Variants in POU2F1 observed in about 807,000 individuals in gnomAD.
POU2F1 encodes POU domain, class 2, transcription factor 1.
In POU2F1, 16 loss-of-function variants were observed where a neutral mutation model predicts 84.9. That is an observed-to-expected ratio of 0.19 (90% confidence interval 0.13 to 0.29). POU2F1 has a LOEUF of 0.29. Ranked by LOEUF, POU2F1 falls within the 10% of genes least tolerant of loss-of-function variation. POU2F1 has a pLI of 1.00. For synonymous variants in POU2F1, 368 were observed against 368.3 expected, an observed-to-expected ratio of 1.00 and a Z score of 0.01; for missense variants, 738 against 942.6, an observed-to-expected ratio of 0.78 and a Z score of 2.84.
chr1:167,240,899 T>C (rs909003911), intron 1 of POU2F1, among the ~76,000 whole-genome samples: 1 of 152,086 alleles, frequency 6.6e-6, no homozygotes, highest in African/African-American at 2.4e-5. Context: ...TCCCAGCACA[T>C]TGGGAGGCCT....
intron 1 of POU2F1, among the ~76,000 whole-genome samples, chr1:167,302,640 T>C (rs113219878): frequency 6.6e-5 from 10 of 152,132 alleles, no homozygotes; most frequent in Admixed American, 2.0e-4. Context: ...ATTCATGAAA[T>C]AGGAACAAAA....
Position 167,253,628 on chromosome 1 carries a change from T to C in POU2F1, c.61+32670T>C, listed in dbSNP as rs189684152. Among the ~76,000 whole-genome samples, 79 of 152,244 alleles carry C rather than the reference T, an allele frequency of 5.2e-4. No individual in the cohort carries two copies. In the East Asian group the frequency reaches 0.011, roughly 22 times the overall value. ...TTTTGGTAGAGACAGGGTTTCACCA[T>C]GTTGCCCAGGCTGGTCTCAAATTCT... On this transcript the variant is annotated intron_variant, in intron 1 of 15. Transcript: ENST00000367866.
At chr1:167,223,697 C>G (rs532386666) in intron 1 of POU2F1, among the ~76,000 whole-genome samples, 5 of 152,082 alleles carry the variant, frequency 3.3e-5, no homozygotes, top group East Asian at 1.9e-4. Context: ...TTTCTTCTTT[C>G]ACTCACAGTA....
At chr1:167,315,803 C>G (rs1655848757) in intron 1 of POU2F1, among the ~76,000 whole-genome samples, 1 of 141,522 alleles carries the variant, frequency 7.1e-6, no homozygotes, top group Admixed American at 6.9e-5. Flanking sequence ...TACCCCATCT[C>G]TTTAAAAAAA....
chr1:167,392,558 CT>C (rs1367588980), intron 9 of POU2F1, among the ~76,000 whole-genome samples: 1 of 152,090 alleles, frequency 6.6e-6, no homozygotes, highest in Non-Finnish European at 1.5e-5. Flanking sequence ...AAATCCTTAT[CT>C]TTTACTCAAA....
At chr1:167,404,773 A>G (rs529039054) in intron 13 of POU2F1, among the ~76,000 whole-genome samples, 9 of 152,076 alleles carry the variant, frequency 5.9e-5, no homozygotes, top group Non-Finnish European at 1.2e-4. Flanking sequence ...TTCCTCCTCT[A>G]TCATAGTCTT....
At chr1:167,290,132 T>C (rs1158240173) in intron 1 of POU2F1, among the ~76,000 whole-genome samples, 1 of 152,184 alleles carries the variant, frequency 6.6e-6, no homozygotes, top group Non-Finnish European at 1.5e-5. Flanking sequence ...GGTTCATGCC[T>C]GTAATCCCAG....
intron 1 of POU2F1, among the ~76,000 whole-genome samples, chr1:167,238,774 A>T (rs1649685103): frequency 6.6e-6 from 1 of 152,262 alleles, no homozygotes; most frequent in Non-Finnish European, 1.5e-5. Context: ...AGGGTAGGTT[A>T]TCAAGAAATG....
chr1:167,258,732 C>T (rs190858355), intron 1 of POU2F1, among the ~76,000 whole-genome samples: 1 of 152,102 alleles, frequency 6.6e-6, no homozygotes, highest in Non-Finnish European at 1.5e-5. Context: ...AACAAATTAC[C>T]ATGTACTTTA....
At chr1:167,330,786 A>G (rs1252691254) in intron 1 of POU2F1, among the ~76,000 whole-genome samples, 3 of 152,162 alleles carry the variant, frequency 2.0e-5, no homozygotes, top group Non-Finnish European at 4.4e-5. Flanking sequence ...AGTCAGGCTC[A>G]TGACTTGTTA....
chr1:167,222,591 A>C (rs1350679541), intron 1 of POU2F1, among the ~76,000 whole-genome samples: 1 of 151,956 alleles, frequency 6.6e-6, no homozygotes, highest in Non-Finnish European at 1.5e-5. Context: ...CCTAGGCCTC[A>C]TGTTCTCTGC....
At chr1:167,355,355 T>C (rs1259867525) in intron 2 of POU2F1, among the ~76,000 whole-genome samples, 1 of 152,194 alleles carries the variant, frequency 6.6e-6, no homozygotes, top group Non-Finnish European at 1.5e-5. Context: ...GTCTCTAGAC[T>C]CTGCACTGGT....
In POU2F1 at chr1:167,417,032, A is replaced by G. The variant is rs367888136; in HGVS notation, c.*1222A>G. The G allele has an allele frequency of 5.3e-5, 8 of 152,226 alleles. No individual in the cohort carries two copies. Among genetic ancestry groups the G allele is most frequent in the African/African-American group, 1.9e-4 (8 of 41,454 alleles). 9.4% of individuals were successfully genotyped at this position (152,226 alleles called of 1,614,324 possible). ...AAAACTGACTTACTGAAATTGGGAA[A>G]CTTTTCCCTTCTTTTATTTTCTAAA... On this transcript the variant is annotated 3_prime_UTR_variant, in exon 16 of 16. Coordinates refer to ENST00000367866, the MANE Select transcript of POU2F1 (RefSeq NM_002697.4).
intron 1 of POU2F1, among the ~76,000 whole-genome samples, chr1:167,260,027 C>T (rs866490402): frequency 2.6e-5 from 4 of 151,956 alleles, no homozygotes; most frequent in African/African-American, 4.8e-5. Flanking sequence ...TACAGGCACC[C>T]GCCACCACGC....
At chr1:167,374,012 T>C in intron 5 of POU2F1, 96 bp from the exon 6 acceptor site, 1 of 1,154,386 alleles carries the variant, frequency 8.7e-7, no homozygotes, top group Non-Finnish European at 1.3e-6. Flanking sequence ...AGCTGGGGAC[T>C]GATATCATTT....
intron 2 of POU2F1, among the ~76,000 whole-genome samples, chr1:167,352,656 G>A (rs1376904958): frequency 2.0e-5 from 3 of 152,158 alleles, no homozygotes; most frequent in African/African-American, 7.2e-5. Flanking sequence ...AAAACAAGGA[G>A]CTTGATTAGT....
rs1650189964 is a variant in POU2F1, at chr1:167,414,718, T to G, written c.1991-782T>G. ...ACCTACATCATTATGTCTAATTTCCTGCTACAATAGATTCATCATTCTCCT... is the reference window on the plus strand; with the variant it reads ...ACCTACATCATTATGTCTAATTTCCGGCTACAATAGATTCATCATTCTCCT... On this transcript the variant is annotated intron_variant, in intron 15 of 15. Transcript: ENST00000367866. 3 of 984,624 alleles carry G rather than the reference T, an allele frequency of 3.0e-6. No homozygotes were observed. In the African/African-American group the frequency reaches 5.2e-5, roughly 17 times the overall value. The allele number at this position is 984,624 out of a possible 1,614,324, so 61.0% of individuals were successfully genotyped here.
chr1:167,356,158 T>C (rs1394973578), intron 2 of POU2F1, among the ~76,000 whole-genome samples: 1 of 148,942 alleles, frequency 6.7e-6, no homozygotes, highest in Non-Finnish European at 1.5e-5. Context: ...CTAATTTTTC[T>C]TTTTCTTTTT....
chr1:167,415,757 G>T lies in POU2F1; in HGVS notation c.2248G>T (p.Ala750Ser), dbSNP rs1390878838. ...CATCCAGAACTCTCTCTTCACAGTGGCCTCTGCCAGCGGGGCTGCGTCCAC... is the reference window on the plus strand; with the variant it reads ...CATCCAGAACTCTCTCTTCACAGTGTCCTCTGCCAGCGGGGCTGCGTCCAC... ...ESIQNSLFTV[A>S]SASGAASTTT... Residue 750 changes from alanine (A) to serine (S), a missense_variant, in exon 16 of 16, where the codon GCC becomes TCC. By Grantham distance (99) the Ala-to-Ser change is moderately conservative. This residue lies in a region of POU2F1 where 319 missense variants were observed against 386.0 expected (regional missense o/e 0.83). Transcript: ENST00000367866. The T allele has an allele frequency of 6.2e-7, 1 of 1,614,052 alleles. No individual in the cohort carries two copies. The highest frequency in any genetic ancestry group is 2.2e-5 in the East Asian group (1 of 44,872).
Sources: gnomAD v4.1 joint callset for allele counts (sites outside exome capture counted in the v4.1 genomes callset) on GRCh38, gnomAD v4.1.1 for gene constraint, gnomAD v4.1.1 regional missense constraint, MANE v1.5 for transcripts, NCBI Gene and HGNC (gene_info 2026-07-23, HGNC 2026-07-21) for gene names.